The following ACSM3 variants were observed in gnomAD, a reference collection of about 807,000 sequenced individuals.
ACSM3 encodes the protein acyl-CoA synthetase medium chain family member 3.
Under a neutral mutation model 74.1 loss-of-function variants are expected in ACSM3, and 61 were observed. The observed-to-expected ratio is 0.82, with a 90% CI of 0.67 to 1.02. The LOEUF (loss-of-function observed/expected upper bound fraction) is 1.02. ACSM3 is among the 50% of genes least tolerant of loss of function. ACSM3 has a pLI of 0.00. For missense variants in ACSM3, 660 were observed against 697.0 expected (o/e 0.95, Z 0.60); for synonymous variants, 213 against 241.5 (o/e 0.88, Z 1.09).
At chr16:20,776,127 A>G (rs1443428693) in intron 3 of ACSM3, 78 bp downstream of exon 3, 35 of 1,462,386 alleles carry the variant, frequency 2.4e-5, no homozygotes, top group Non-Finnish European at 2.6e-5. Flanking sequence ...AGTAATCATG[A>G]TACATTTATT....
intron 2 of ACSM3, among the ~76,000 whole-genome samples, chr16:20,770,718 A>G (rs2080182715): frequency 6.6e-6 from 1 of 152,162 alleles, no homozygotes; most frequent in African/African-American, 2.4e-5. Context: ...AACGTCTAGA[A>G]ATAAGGACCC....
intron 1 of ACSM3, chr16:20,741,763 G>A (rs1269879179): frequency 1.9e-6 from 3 of 1,555,324 alleles, no homozygotes; most frequent in East Asian, 2.4e-5. Flanking sequence ...TGAGAGGAAA[G>A]AGAAACGTTT....
chr16:20,788,379 TG>T (rs1356570885), intron 9 of ACSM3, among the ~76,000 whole-genome samples: 2 of 152,184 alleles, frequency 1.3e-5, no homozygotes, highest in African/African-American at 4.8e-5. Flanking sequence ...TGATCCCAAC[TG>T]CAAGGTACCC....
chr16:20,694,126 G>A (rs1308491296), intron 1 of ACSM3, among the ~76,000 whole-genome samples: 2 of 152,150 alleles, frequency 1.3e-5, no homozygotes, highest in Non-Finnish European at 2.9e-5. Context: ...AGCATTTCAC[G>A]AGTTACTTCC....
chr16:20,696,576 T>A (rs8048603), intron 1 of ACSM3, among the ~76,000 whole-genome samples: 64,844 of 152,156 alleles, frequency 0.43, 16,360 homozygotes, highest in Non-Finnish European at 0.58. Context: ...CTATTGGAGA[T>A]TAATTAAACT....
chr16:20,777,415 A>G lies in ACSM3; in HGVS notation c.473A>G (p.Asp158Gly), dbSNP rs1421602674. 7 of 1,613,984 alleles carry G rather than the reference A, an allele frequency of 4.3e-6. No individual in the cohort carries two copies. The highest frequency in any genetic ancestry group is 1.1e-5 in the South Asian group (1 of 91,076). ...IPGTTQLTQKDILYRLQSSKA... is the reference protein window; with the variant it reads ...IPGTTQLTQKGILYRLQSSKA... The stretch of plus-strand genomic sequence containing the variant: ...GGAACCACTCAGCTGACCCAGAAAG[A>G]CATTCTCTACAGACTACAATCTTCA... The change falls in exon 4 of 14, where the codon GAC (aspartate) becomes GGC (glycine). Residue 158 changes from aspartate to glycine, a missense_variant. Asp to Gly is a moderately conservative substitution (Grantham distance 94). Transcript: ENST00000289416.
At chr16:20,685,830 AACAAACAAAAAAAAAAC>A (rs1412319415) in intron 1 of ACSM3, among the ~76,000 whole-genome samples, 6 of 90,652 alleles carry the variant, frequency 6.6e-5, no homozygotes, top group Middle Eastern at 6.2e-3. Flanking sequence ...AAAAAAAAAA[AACAAACAAAAAAAAAAC>A]AAAAAACTTA....
intron 7 of ACSM3, among the ~76,000 whole-genome samples, chr16:20,782,818 T>C (rs763251916): frequency 1.7e-4 from 26 of 152,212 alleles, no homozygotes; most frequent in Admixed American, 7.2e-4. Context: ...TCCCAGCTTA[T>C]TATAAAAGAT....
At chr16:20,775,560 T>C (rs1425833295) in intron 2 of ACSM3, among the ~76,000 whole-genome samples, 1 of 152,162 alleles carries the variant, frequency 6.6e-6, no homozygotes, top group African/African-American at 2.4e-5. Context: ...TCAGAGAGTT[T>C]TGTCACTTCC....
chr16:20,695,186 C>T (rs936781114), intron 1 of ACSM3, among the ~76,000 whole-genome samples: 1 of 152,192 alleles, frequency 6.6e-6, no homozygotes, highest in Non-Finnish European at 1.5e-5. Flanking sequence ...GCTGAAACAG[C>T]ATGGCCCTAG....
At chr16:20,723,423 A>G (rs1313073128) in intron 1 of ACSM3, among the ~76,000 whole-genome samples, 13 of 152,270 alleles carry the variant, frequency 8.5e-5, no homozygotes, top group African/African-American at 1.7e-4. Flanking sequence ...TGGGTCAAAC[A>G]GTATTTCTAG....
chr16:20,683,721 C>CTTTCTTTCTTTA (rs2079495473), intron 1 of ACSM3, among the ~76,000 whole-genome samples: 1 of 138,470 alleles, frequency 7.2e-6, no homozygotes, highest in Non-Finnish European at 1.5e-5. Flanking sequence ...CTCTCTCTTT[C>CTTTCTTTCTTTA]TTTCTTTCTT....
rs1251130891 is a variant in ACSM3, at chr16:20,736,759, G to A, written c.-189-13151G>A. The A allele has an allele frequency of 1.1e-5, 11 of 985,174 alleles. No homozygotes were observed. The South Asian group carries it at 1.3e-4, about 12-fold the overall frequency. The allele number at this position is 985,174 out of a possible 1,614,324, so 61.0% of individuals were successfully genotyped here. ...CTGCGCAATCATTGCTCACTACTGTGAGAACAGCATAATGCAGCACACAAA... is the reference window on the plus strand; with the variant it reads ...CTGCGCAATCATTGCTCACTACTGTAAGAACAGCATAATGCAGCACACAAA... On this transcript the variant is annotated intron_variant, in intron 1 of 3. Coordinates refer to the ACSM3 transcript ENST00000561584.
chr16:20,737,191 T>C, intron 1 of ACSM3: 3 of 1,614,194 alleles, frequency 1.9e-6, no homozygotes, highest in South Asian at 2.2e-5. Flanking sequence ...TTCACAACAC[T>C]CAGGCAACAG....
chr16:20,735,160 T>G (rs1302428219), intron 1 of ACSM3: 1 of 152,234 alleles, frequency 6.6e-6, no homozygotes, highest in Non-Finnish European at 1.5e-5. Context: ...GTCCATTTGT[T>G]CATGTGATGA....
At chr16:20,714,202 T>C (rs1037510073) in intron 1 of ACSM3, among the ~76,000 whole-genome samples, 3 of 126,302 alleles carry the variant, frequency 2.4e-5, no homozygotes, top group Non-Finnish European at 5.4e-5. Context: ...AGCAAAGATA[T>C]GGAGGCAAAA....
intron 1 of ACSM3, among the ~76,000 whole-genome samples, chr16:20,742,520 G>C (rs2079936067): frequency 6.6e-6 from 1 of 152,070 alleles, no homozygotes; most frequent in African/African-American, 2.4e-5. Context: ...GCGCGCACCT[G>C]TAGTCCCAAC....
intron 1 of ACSM3, among the ~76,000 whole-genome samples, chr16:20,689,346 C>T (rs1483939597): frequency 1.3e-5 from 2 of 151,780 alleles, no homozygotes; most frequent in African/African-American, 2.4e-5. Flanking sequence ...TGTGTCACTA[C>T]AAAAACTCAA....
chr16:20,785,229 TA>T, intron 8 of ACSM3, 122 bp downstream of exon 8: 2 of 1,355,758 alleles, frequency 1.5e-6, no homozygotes, highest in South Asian at 1.3e-5. Flanking sequence ...AGAAAATGTT[TA>T]AAAAAACAAT....
Sources: gnomAD v4.1 joint callset for allele counts (sites outside exome capture counted in the v4.1 genomes callset) on GRCh38, gnomAD v4.1.1 for gene constraint, MANE v1.5 for transcripts, NCBI Gene and HGNC (gene_info 2026-07-23, HGNC 2026-07-21) for gene names.